Variants in TET3 observed in about 807,000 individuals in gnomAD.
TET3 encodes tet methylcytosine dioxygenase 3.
A neutral mutation model predicts 141.4 loss-of-function variants in TET3; 19 were observed. The observed-to-expected ratio is 0.13, with a 90% CI of 0.09 to 0.20. TET3 has a LOEUF of 0.20. Among genes scored for constraint, TET3 ranks in the 10% least tolerant of loss-of-function variants. The pLI is 1.00. For synonymous variants in TET3, 1,043 were observed against 980.9 expected (o/e 1.06, Z -1.18); for missense variants, 1,874 against 2,356.9 (o/e 0.80, Z 4.24).
intron 2 of TET3, among the ~76,000 whole-genome samples, chr2:74,000,507 G>C (rs1684792859): frequency 6.6e-6 from 1 of 152,164 alleles, no homozygotes; most frequent in African/African-American, 2.4e-5. Context: ...TTTAAACTAA[G>C]TCTTGTACCA....
At chr2:74,085,672 ACAGGAGGTGGAGCTCAGG>A (rs1473134351) in intron 6 of TET3, among the ~76,000 whole-genome samples, 2 of 152,174 alleles carry the variant, frequency 1.3e-5, no homozygotes, top group African/African-American at 4.8e-5. Context: ...TGCTGATCTG[ACAGGAGGTGGAGCTCAGG>A]CGGTAACGCC....
chr2:74,092,039 C>T (rs865798560), intron 8 of TET3, among the ~76,000 whole-genome samples: 1 of 152,212 alleles, frequency 6.6e-6, no homozygotes, highest in Non-Finnish European at 1.5e-5. Flanking sequence ...CATTGTGGCT[C>T]ACGCCTGTAA....
chr2:74,063,260 C>A (rs933460136), intron 4 of TET3, among the ~76,000 whole-genome samples: 6 of 151,890 alleles, frequency 4.0e-5, no homozygotes, highest in African/African-American at 1.5e-4. Context: ...ATTGTCCCAC[C>A]GTTGGTGAAG....
At chr2:74,033,606 G>A (rs1336379084) in intron 3 of TET3, among the ~76,000 whole-genome samples, 1 of 152,198 alleles carries the variant, frequency 6.6e-6, no homozygotes, top group Non-Finnish European at 1.5e-5. Context: ...AAGTGAATAT[G>A]GCAGTACAGC....
intron 2 of TET3, among the ~76,000 whole-genome samples, chr2:73,998,103 T>C (rs1298572532): frequency 6.6e-6 from 1 of 152,190 alleles, no homozygotes; most frequent in East Asian, 1.9e-4. Flanking sequence ...GACAGATTGC[T>C]GGGTACCGCG....
chr2:74,027,104 G>C (rs924034447), intron 3 of TET3, among the ~76,000 whole-genome samples: 2 of 152,148 alleles, frequency 1.3e-5, no homozygotes, highest in Non-Finnish European at 2.9e-5. Context: ...TGATGAACGA[G>C]TTGCAGAGAA....
At chr2:73,988,051 G>C (rs1428535000) in intron 2 of TET3, among the ~76,000 whole-genome samples, 1 of 152,184 alleles carries the variant, frequency 6.6e-6, no homozygotes, top group African/African-American at 2.4e-5. Flanking sequence ...TGCAGACTCG[G>C]GGCCCTGTTT....
At chr2:74,124,264 G>C in the TET3 span, among the ~76,000 whole-genome samples, 2 of 148,776 alleles carry the variant, frequency 1.3e-5, no homozygotes, top group African/African-American at 5.1e-5. Context: ...GGAGGGAGGT[G>C]GGGGGTCAGC....
chr2:74,082,928 G>C (rs1173764573), intron 6 of TET3, among the ~76,000 whole-genome samples: 4 of 152,198 alleles, frequency 2.6e-5, no homozygotes, highest in Non-Finnish European at 4.4e-5. Context: ...AGTGTCTCCT[G>C]TGCATGTCCC....
chr2:74,036,148 G>A (rs1329401189), intron 3 of TET3, among the ~76,000 whole-genome samples: 2 of 152,186 alleles, frequency 1.3e-5, no homozygotes, highest in Non-Finnish European at 2.9e-5. Context: ...ATAATCTTGT[G>A]AGATAGGTAC....
intron 4 of TET3, among the ~76,000 whole-genome samples, chr2:74,048,677 T>C (rs1371195243): frequency 6.6e-6 from 1 of 152,182 alleles, no homozygotes; most frequent in Non-Finnish European, 1.5e-5. Flanking sequence ...AGAGGCCTTC[T>C]TGTAGGAGGT....
chr2:74,129,354 C>T, the TET3 span, among the ~76,000 whole-genome samples: 2 of 144,284 alleles, frequency 1.4e-5, no homozygotes, highest in Non-Finnish European at 3.0e-5. Context: ...AAAACCCGGC[C>T]GGGCACAGTG....
chr2:74,093,225 AT>A lies in TET3; in HGVS notation c.3129+235del, dbSNP rs1482053323. The stretch of plus-strand genomic sequence containing the variant: ...GTCTTCTCCCTTCCCCTGGTAACCC[AT>A]CCACCTCCTCTGGTCTGGTATCCAC... On this transcript the variant is annotated intron_variant, in intron 9 of 11. Coordinates refer to ENST00000409262, the MANE Select transcript of TET3 (RefSeq NM_001287491.2). This position sits in a 1 kb window ranked among gnomAD's most constrained non-coding sequence, Gnocchi z 4.2. 6.6e-6 allele frequency among the ~76,000 whole-genome samples: 1 copy of A among 152,112 alleles called. No homozygotes were observed. Among genetic ancestry groups the A allele is most frequent in the East Asian group, 1.9e-4 (1 of 5,186 alleles).
Position 73,996,276 on chromosome 2 carries a change from C to T in TET3, c.304-6834C>T, listed in dbSNP as rs1684592389. Among the ~76,000 whole-genome samples, 5 of 152,300 alleles carry T rather than the reference C, an allele frequency of 3.3e-5. No homozygotes were observed. In the South Asian group the frequency reaches 1.0e-3, roughly 32 times the overall value. ...TCCTTTTTGGAATGAGGGGACGATG[C>T]TCAGGAAGAGAGGAGGTATTGGAAA... On this transcript the variant is annotated intron_variant, in intron 2 of 11. Transcript: ENST00000409262.
rs1691197196 is a variant in TET3 at position 74,101,276 on chromosome 2, G to C, written c.4488G>C (p.Glu1496Asp). The stretch of plus-strand genomic sequence containing the variant: ...GCCAGTGGGGGCTGTTCCCCGGTGA[G>C]GGGCAGCAGGCAGCTTCCCACTCTG... ...TDGQWGLFPG[E>D]GQQAASHSGG... The change falls in exon 12 of 12, where the codon GAG (glutamate) becomes GAC (aspartate). Residue 1496 changes from glutamate to aspartate, a missense_variant. Physicochemically the swap from Glu to Asp is conservative, Grantham distance 45. Transcript: ENST00000409262. The surrounding 1 kb of genome is among the most constrained non-coding windows in gnomAD (Gnocchi z 8.5). 1.9e-6 allele frequency: 3 copies of C among 1,612,770 alleles called. No individual in the cohort carries two copies. In the East Asian group the frequency reaches 6.7e-5, roughly 36 times the overall value.
upstream of TET3, among the ~76,000 whole-genome samples, chr2:73,984,792 C>A (rs1379053866): frequency 4.0e-5 from 6 of 149,212 alleles, no homozygotes; most frequent in African/African-American, 1.5e-4. This position sits in a 1 kb window ranked among gnomAD's most constrained non-coding sequence, Gnocchi z 5.6. Flanking sequence ...GAACCACCCC[C>A]CTCTCGCCCG....
intron 3 of TET3, among the ~76,000 whole-genome samples, chr2:74,010,381 C>G (rs1225269236): frequency 6.6e-6 from 1 of 152,222 alleles, no homozygotes; most frequent in Non-Finnish European, 1.5e-5. Flanking sequence ...GGTGCCAGAG[C>G]ACTTCATCCC....
At chr2:74,007,814 GTTTT>G (rs1558705578) in intron 3 of TET3, among the ~76,000 whole-genome samples, 1 of 152,108 alleles carries the variant, frequency 6.6e-6, no homozygotes, top group Non-Finnish European at 1.5e-5. Flanking sequence ...TTGTTTGTTT[GTTTT>G]TTGTTTTTCA....
In TET3 at chr2:74,091,183, C is replaced by T. The variant is rs982307702; in HGVS notation, c.3039+1136C>T. ...TAATTTGTTATTAGATTTTTATTTA[C>T]GGTAAGATTCACCCTCCCTTACAAG... On this transcript the variant is annotated intron_variant, in intron 8 of 11. Transcript: ENST00000409262. Among the ~76,000 whole-genome samples the T allele has an allele frequency of 3.9e-5, 6 of 152,134 alleles. No homozygotes were observed. The East Asian group carries it at 1.2e-3, about 29-fold the overall frequency.
Sources: gnomAD v4.1 joint callset for allele counts (sites outside exome capture counted in the v4.1 genomes callset) on GRCh38, gnomAD v4.1.1 for gene constraint, Gnocchi (gnomAD v3.1) non-coding constraint, MANE v1.5 for transcripts, NCBI Gene and HGNC (gene_info 2026-07-23, HGNC 2026-07-21) for gene names.